The following CCDC88A variants were observed in gnomAD, a reference collection of about 807,000 sequenced individuals.
The protein encoded by CCDC88A is girdin.
In CCDC88A, 54 loss-of-function variants were observed where a neutral mutation model predicts 234.3. That is an observed-to-expected ratio of 0.23 (90% CI 0.19 to 0.29). The LOEUF (loss-of-function observed/expected upper bound fraction) is 0.29, where lower values mean the gene tolerates loss of function less well. Among genes scored for constraint, CCDC88A ranks in the 10% least tolerant of loss-of-function variants. The pLI, the probability that CCDC88A is intolerant of heterozygous loss-of-function variation, is 1.00. For synonymous variants in CCDC88A, 753 were observed against 737.8 expected, an observed-to-expected ratio of 1.02 and a Z score of -0.33; for missense variants, 1,832 against 2,123.4, an observed-to-expected ratio of 0.86 and a Z score of 2.70.
In CCDC88A at chr2:55,335,771, A is replaced by G. The variant is rs1256181788; in HGVS notation, c.1657-607T>C. On this transcript the variant is annotated intron_variant, in intron 14 of 32. Transcript: ENST00000436346. The surrounding 1 kb of genome is among the most constrained non-coding windows in gnomAD (Gnocchi z 4.5). ...AAATTTAGTGTGTTAAATAATCTCA[A>G]CAAGCTTGGAAAAATGAAGATTGAA... is the stretch of plus-strand genomic sequence containing the variant. Among the ~76,000 whole-genome samples the G allele has an allele frequency of 6.6e-6, 1 of 152,172 alleles. No homozygotes were observed. The highest frequency in any genetic ancestry group is 1.5e-5 in the Non-Finnish European group (1 of 68,020).
At position 55,339,500 on chromosome 2, in the gene CCDC88A, C is replaced by T. The variant is rs1668209892; in HGVS notation, c.1482G>A (p.Leu494=). ...DSVEGNASKI[L]KMEKENQRLS... ...GCCTTTGATTTTCTTTTTCCATTTT[C>T]AGGATTTTGGAAGCATTGCCTTCTA... Residue 494 remains leucine, a synonymous_variant, in exon 13 of 33, where the codon CTG becomes CTA. Coordinates refer to ENST00000436346, the MANE Select transcript of CCDC88A (RefSeq NM_001365480.1). The T allele has an allele frequency of 6.3e-7, 1 of 1,592,746 alleles. No individual in the cohort carries two copies.
At chr2:55,380,410 T>C (rs1246196228) in intron 3 of CCDC88A, among the ~76,000 whole-genome samples, 1 of 151,746 alleles carries the variant, frequency 6.6e-6, no homozygotes, top group Admixed American at 6.6e-5. Context: ...AATTCTATTC[T>C]GGCGTGAAGA....
intron 13 of CCDC88A, 108 bp from the exon 14 acceptor site, chr2:55,336,926 C>A: frequency 6.6e-6 from 4 of 608,206 alleles, no homozygotes; most frequent in Non-Finnish European, 1.1e-5. Context: ...TGTTAATATC[C>A]AAATGCTAAA....
intron 8 of CCDC88A, among the ~76,000 whole-genome samples, chr2:55,353,889 C>T (rs2104757044): frequency 6.6e-6 from 1 of 152,286 alleles, no homozygotes; most frequent in East Asian, 1.9e-4. Flanking sequence ...GGAATACACT[C>T]TAACGAGTTA....
In CCDC88A at chr2:55,336,704, G is replaced by C. The variant is rs777076582; in HGVS notation, c.1633C>G (p.Leu545Val). The stretch of plus-strand genomic sequence containing the variant: ...ACCTGTCTCTCTGAATTTTCTCTCA[G>C]TGTTTCTATTGTTTTTTCAAGCTGA... The part of the protein sequence containing the change: ...KAQLEKTIET[L>V]RENSERQIKI... The change falls in exon 14 of 33, where the codon CTG becomes GTG. Residue 545 changes from leucine (L) to valine (V), a missense_variant. Transcript: ENST00000436346. 4 of 1,583,608 alleles carry C rather than the reference G, an allele frequency of 2.5e-6. No individual in the cohort carries two copies. The highest frequency in any genetic ancestry group is 2.7e-5 in the African/African-American group (2 of 73,368).
intron 2 of CCDC88A, among the ~76,000 whole-genome samples, chr2:55,400,204 T>C (rs1339165959): frequency 2.6e-5 from 4 of 152,322 alleles, no homozygotes; most frequent in Middle Eastern, 3.4e-3. Context: ...TTTGAAAGCA[T>C]ACTATACCAT....
intron 4 of CCDC88A, among the ~76,000 whole-genome samples, chr2:55,373,654 T>C (rs1348885389): frequency 6.6e-6 from 1 of 152,184 alleles, no homozygotes; most frequent in East Asian, 1.9e-4. Flanking sequence ...GGTAGGTACT[T>C]ACCAAATGTA....
intron 6 of CCDC88A, among the ~76,000 whole-genome samples, chr2:55,362,894 T>C (rs1253940914): frequency 6.6e-6 from 1 of 151,970 alleles, no homozygotes; most frequent in Non-Finnish European, 1.5e-5. Flanking sequence ...AAGATGACAC[T>C]GTCACAGAAG....
At chr2:55,396,296 T>G (rs1485671920) in intron 2 of CCDC88A, among the ~76,000 whole-genome samples, 6 of 152,176 alleles carry the variant, frequency 3.9e-5, no homozygotes, top group South Asian at 4.1e-4. Flanking sequence ...TTGCAAACAT[T>G]TTCAGTAAAT....
At chr2:55,407,311 T>C (rs1031675113) in intron 2 of CCDC88A, among the ~76,000 whole-genome samples, 2 of 152,074 alleles carry the variant, frequency 1.3e-5, no homozygotes, top group Non-Finnish European at 2.9e-5. Flanking sequence ...TATGTTAATA[T>C]AAAAAGTTAT....
At position 55,295,688 on chromosome 2, in the gene CCDC88A, G is replaced by A; in HGVS notation, c.5460C>T (p.Ser1820=). 6.2e-7 allele frequency: 1 copy of A among 1,614,212 alleles called. No homozygotes were observed. The highest frequency in any genetic ancestry group is 8.5e-7 in the Non-Finnish European group (1 of 1,180,032). ...STAEGTTRRT[S]IHDFLTKDSR... ...TGTCCTTGGTCAAAAAATCATGGAT[G>A]CTTGTCCTTCGTGTAGTTCCTTCGG... Residue 1820 remains serine (S), a synonymous_variant, in exon 31 of 33, where the codon AGC becomes AGT. Transcript: ENST00000436346.
At chr2:55,350,862 G>A (rs925598230) in intron 8 of CCDC88A, among the ~76,000 whole-genome samples, 1 of 151,976 alleles carries the variant, frequency 6.6e-6, no homozygotes, top group Non-Finnish European at 1.5e-5. Context: ...CTGTTGTCCA[G>A]GGTGGTCTTG....
At chr2:55,402,449 T>C (rs1678863203) in intron 2 of CCDC88A, among the ~76,000 whole-genome samples, 1 of 152,170 alleles carries the variant, frequency 6.6e-6, no homozygotes, top group African/African-American at 2.4e-5. Flanking sequence ...ATTCATACAA[T>C]TATTGATATT....
At chr2:55,397,489 T>C (rs899370967) in intron 2 of CCDC88A, 1 of 151,914 alleles carries the variant, frequency 6.6e-6, no homozygotes, top group African/African-American at 2.4e-5. Context: ...AATATACAAT[T>C]TGGATTATAC....
At chr2:55,322,788 C>A in intron 17 of CCDC88A, 96 bp from the exon 18 acceptor site, 1 of 540,004 alleles carries the variant, frequency 1.9e-6, no homozygotes, top group Non-Finnish European at 3.1e-6. Flanking sequence ...CTGGTGAATA[C>A]GAAAGGCAAT....
intron 25 of CCDC88A, among the ~76,000 whole-genome samples, chr2:55,304,350 A>C (rs1385129438): frequency 3.9e-5 from 6 of 152,156 alleles, no homozygotes. Flanking sequence ...AGTTCATTAC[A>C]CTTCAGTAAA....
intron 2 of CCDC88A, among the ~76,000 whole-genome samples, chr2:55,414,546 A>G (rs1259178512): frequency 1.3e-5 from 2 of 152,306 alleles, no homozygotes; most frequent in East Asian, 3.9e-4. Context: ...AACAGAGATT[A>G]TTTGCTTCAA....
chr2:55,360,671 G>T (rs2920970), intron 7 of CCDC88A, among the ~76,000 whole-genome samples: 21,341 of 152,138 alleles, frequency 0.14, 1,933 homozygotes, highest in East Asian at 0.31. Context: ...TTTACCAGAG[G>T]CATGTAATGA....
chr2:55,373,296 T>C (rs1172599887), intron 4 of CCDC88A, among the ~76,000 whole-genome samples: 2 of 152,106 alleles, frequency 1.3e-5, no homozygotes, highest in Non-Finnish European at 2.9e-5. Context: ...TTCCCAAATA[T>C]GCATATATAC....
Sources: gnomAD v4.1 joint callset for allele counts (sites outside exome capture counted in the v4.1 genomes callset) on GRCh38, gnomAD v4.1.1 for gene constraint, Gnocchi (gnomAD v3.1) non-coding constraint, MANE v1.5 for transcripts, NCBI Gene and HGNC (gene_info 2026-07-23, HGNC 2026-07-21) for gene names.